The following PCDH9 variants were observed in gnomAD, a reference collection of about 807,000 sequenced individuals.
PCDH9 encodes the protein protocadherin 9, also known as protocadherin-9.
PCDH9 carries 24 observed loss-of-function variants against 70.6 expected under a neutral mutation model. The observed-to-expected ratio is 0.34, with a 90% confidence interval of 0.25 to 0.48. PCDH9 has a LOEUF of 0.48. PCDH9 is among the 20% of genes least tolerant of loss of function. PCDH9 has a pLI of 0.99. For missense variants in PCDH9, 1,281 were observed against 1,503.6 expected (o/e 0.85, Z 2.45); for synonymous variants, 562 against 558.5 (o/e 1.01, Z -0.09).
chr13:66,956,027 A>G (rs905753213), intron 2 of PCDH9, among the ~76,000 whole-genome samples: 4 of 152,096 alleles, frequency 2.6e-5, no homozygotes, highest in African/African-American at 9.7e-5. Flanking sequence ...GCTTGAACAC[A>G]GGAGGCAGAG....
chr13:67,155,399 T>C (rs2087784558), intron 2 of PCDH9, among the ~76,000 whole-genome samples: 1 of 152,230 alleles, frequency 6.6e-6, no homozygotes, highest in Non-Finnish European at 1.5e-5. Context: ...GGTTAGAATG[T>C]TCCATAAGCA....
At chr13:66,659,189 G>A (rs2077972577) in intron 3 of PCDH9, among the ~76,000 whole-genome samples, 3 of 152,026 alleles carry the variant, frequency 2.0e-5, no homozygotes, top group Admixed American at 6.6e-5. Context: ...ATGGAAAATC[G>A]AATACTCTTC....
chr13:66,334,897 T>C (rs943191122), intron 4 of PCDH9, among the ~76,000 whole-genome samples: 31 of 152,096 alleles, frequency 2.0e-4, no homozygotes, highest in Admixed American at 3.3e-4. Context: ...AATCATGTAA[T>C]ATTTTACAGC....
Position 66,638,055 on chromosome 13 carries a change from A to G in PCDH9, c.3139-6644T>C, listed in dbSNP as rs559084272. 5.3e-5 allele frequency among the ~76,000 whole-genome samples: 8 copies of G among 152,318 alleles called. No individual in the cohort carries two copies. In the East Asian group the frequency reaches 1.5e-3, roughly 29 times the overall value. On this transcript the variant is annotated intron_variant, in intron 3 of 4. Coordinates refer to ENST00000377865, the MANE Select transcript of PCDH9 (RefSeq NM_203487.3). Reference sequence around the variant, plus strand: ...CCACAATTTCTGATTTCCAATATAAAGGTATTAGCATTGCTCATTCATCTC... The same window carrying G: ...CCACAATTTCTGATTTCCAATATAAGGGTATTAGCATTGCTCATTCATCTC...
intron 4 of PCDH9, among the ~76,000 whole-genome samples, chr13:66,329,897 A>G (rs904501714): frequency 6.6e-6 from 1 of 152,248 alleles, no homozygotes; most frequent in African/African-American, 2.4e-5. Flanking sequence ...CTTTCTTATT[A>G]TAAGAAAGTA....
chr13:67,205,511 T>G (rs1388904387), intron 2 of PCDH9: 1 of 152,202 alleles, frequency 6.6e-6, no homozygotes, highest in Non-Finnish European at 1.5e-5. Flanking sequence ...TGTTTGTAAT[T>G]GAAAGTCAGT....
chr13:66,808,463 T>C (rs1164922184), intron 3 of PCDH9, among the ~76,000 whole-genome samples: 3 of 152,110 alleles, frequency 2.0e-5, no homozygotes, highest in African/African-American at 7.2e-5. Flanking sequence ...AATAATTACA[T>C]AGTAATAGGG....
At chr13:67,127,139 G>A (rs1310785485) in intron 2 of PCDH9, among the ~76,000 whole-genome samples, 1 of 152,118 alleles carries the variant, frequency 6.6e-6, no homozygotes, top group Admixed American at 6.5e-5. Context: ...GAGATTAATA[G>A]TAAATTAATT....
Position 66,303,319 on chromosome 13 carries a change from A to G in PCDH9, c.*1336T>C, listed in dbSNP as rs1057103295. On this transcript the variant is annotated 3_prime_UTR_variant, in exon 5 of 5. Transcript: ENST00000377865. ...TCTTATTAACATTAGTTGTCACTTT[A>G]TTGGTTTGACCTAAGTGACAATATG... The G allele has an allele frequency of 6.6e-6, 1 of 152,454 alleles. No individual in the cohort carries two copies. The highest frequency in any genetic ancestry group is 1.5e-5 in the Non-Finnish European group (1 of 67,980). The allele number at this position is 152,454 out of a possible 1,614,324, so 9.4% of individuals were successfully genotyped here.
At chr13:66,499,875 A>C (rs1959167698) in intron 4 of PCDH9, among the ~76,000 whole-genome samples, 1 of 152,172 alleles carries the variant, frequency 6.6e-6, no homozygotes, top group Admixed American at 6.5e-5. Flanking sequence ...TGGTTGTTTC[A>C]GAGAGCCTGG....
chr13:66,978,344 A>C (rs2083664098), intron 2 of PCDH9: 1 of 152,030 alleles, frequency 6.6e-6, no homozygotes, highest in African/African-American at 2.4e-5. Flanking sequence ...ACAAAAAAAA[A>C]ACAAACACTG....
intron 2 of PCDH9, among the ~76,000 whole-genome samples, chr13:67,039,393 G>A (rs766696027): frequency 1.3e-5 from 2 of 152,058 alleles, no homozygotes; most frequent in Non-Finnish European, 2.9e-5. Context: ...GTTACCATAC[G>A]GCATGATCCA....
chr13:66,477,209 A>G (rs1048692745), intron 4 of PCDH9, among the ~76,000 whole-genome samples: 2 of 152,156 alleles, frequency 1.3e-5, no homozygotes, highest in Non-Finnish European at 1.5e-5. Flanking sequence ...TTCTAGAGTC[A>G]GACATACCTG....
chr13:67,054,248 G>A (rs572715605), intron 2 of PCDH9, among the ~76,000 whole-genome samples: 9 of 152,048 alleles, frequency 5.9e-5, no homozygotes, highest in South Asian at 2.1e-4. Flanking sequence ...TTAAACACCC[G>A]CTCTTTTGAA....
chr13:66,674,131 T>A (rs2078212790), intron 3 of PCDH9, among the ~76,000 whole-genome samples: 3 of 152,022 alleles, frequency 2.0e-5, no homozygotes, highest in African/African-American at 7.2e-5. Context: ...TAACAGATTT[T>A]CCCACCATCA....
chr13:66,350,741 C>G (rs1358796776), intron 4 of PCDH9, among the ~76,000 whole-genome samples: 2 of 152,158 alleles, frequency 1.3e-5, no homozygotes, highest in South Asian at 2.1e-4. Flanking sequence ...GTCCAAGTAG[C>G]TATCATTTCC....
intron 3 of PCDH9, among the ~76,000 whole-genome samples, chr13:66,643,572 G>C (rs2077735380): frequency 6.6e-6 from 1 of 151,928 alleles, no homozygotes; most frequent in Non-Finnish European, 1.5e-5. Flanking sequence ...TGTGCACTAA[G>C]GATAATTTGT....
chr13:66,365,836 T>C (rs1277565894), intron 4 of PCDH9, among the ~76,000 whole-genome samples: 1 of 152,148 alleles, frequency 6.6e-6, no homozygotes, highest in Non-Finnish European at 1.5e-5. Flanking sequence ...ATTTTTCTCT[T>C]CCTTTCTGTC....
At chr13:66,963,010 T>C (rs927277175) in intron 2 of PCDH9, among the ~76,000 whole-genome samples, 4 of 151,686 alleles carry the variant, frequency 2.6e-5, no homozygotes, top group African/African-American at 4.8e-5. Flanking sequence ...TGATGGGAGA[T>C]AGTGACAGAT....
Sources: allele counts gnomAD v4.1 joint callset (sites outside exome capture counted in the v4.1 genomes callset), GRCh38; gene constraint gnomAD v4.1.1; transcripts MANE v1.5; gene names NCBI Gene and HGNC (gene_info 2026-07-23, HGNC 2026-07-21).